Variants in BBS9 observed in about 807,000 individuals in gnomAD.
The protein encoded by BBS9 is Bardet-Biedl syndrome 9.
BBS9 carries 89 observed loss-of-function variants against 117.7 expected under a neutral mutation model. The ratio of observed to expected loss-of-function variants is 0.76; its 90% confidence interval spans 0.64 to 0.90. BBS9 has a LOEUF of 0.90. Ranked by LOEUF, BBS9 falls within the 40% of genes least tolerant of loss-of-function variation. The pLI, the probability that BBS9 is intolerant of heterozygous loss-of-function variation, is 0.00. For synonymous variants in BBS9, 379 were observed against 370.9 expected (o/e 1.02, Z -0.25); for missense variants, 982 against 1,042.2 (o/e 0.94, Z 0.80).
intron 20 of BBS9, among the ~76,000 whole-genome samples, chr7:33,519,566 C>G (rs1323124298): frequency 3.0e-5 from 4 of 134,324 alleles, no homozygotes; most frequent in African/African-American, 9.4e-5. Flanking sequence ...ACCAAACTGG[C>G]ACAGAGCATT....
At chr7:33,186,354 T>A (rs192450931) in intron 5 of BBS9, among the ~76,000 whole-genome samples, 17 of 152,288 alleles carry the variant, frequency 1.1e-4, no homozygotes, top group Non-Finnish European at 2.1e-4. Flanking sequence ...AAAGTAACTG[T>A]GAGTGGTGGA....
intron 21 of BBS9, among the ~76,000 whole-genome samples, chr7:33,626,312 C>G (rs966225461): frequency 6.6e-6 from 1 of 152,300 alleles, no homozygotes; most frequent in Middle Eastern, 3.4e-3. Flanking sequence ...TCAATTAAAC[C>G]TCTTTTCTTT....
intron 21 of BBS9, among the ~76,000 whole-genome samples, chr7:33,589,355 C>A (rs958051252): frequency 2.8e-4 from 43 of 152,072 alleles, no homozygotes; most frequent in Non-Finnish European, 1.0e-4. Flanking sequence ...AAACAGAGTG[C>A]AATTTAAAAC....
intron 5 of BBS9, among the ~76,000 whole-genome samples, chr7:33,220,924 T>A (rs1465216675): frequency 6.6e-6 from 1 of 152,250 alleles, no homozygotes; most frequent in Non-Finnish European, 1.5e-5. Context: ...AGAAATTTGT[T>A]TTACAACTAC....
At chr7:33,162,208 C>G (rs1252086151) in intron 4 of BBS9, among the ~76,000 whole-genome samples, 1 of 152,098 alleles carries the variant, frequency 6.6e-6, no homozygotes, top group Non-Finnish European at 1.5e-5. Flanking sequence ...TTTAATCTAT[C>G]TTGAATTAAT....
chr7:33,158,315 T>C (rs555924224), intron 4 of BBS9, among the ~76,000 whole-genome samples: 1 of 152,210 alleles, frequency 6.6e-6, no homozygotes, highest in East Asian at 1.9e-4. Context: ...GTTGCATAAA[T>C]GTTTGAATAT....
chr7:33,150,667 C>T (rs1229459416), intron 2 of BBS9, among the ~76,000 whole-genome samples: 4 of 152,150 alleles, frequency 2.6e-5, no homozygotes, highest in Non-Finnish European at 5.9e-5. Context: ...AGTTGCAAGA[C>T]AGGCAGCTCT....
chr7:33,328,993 T>TTTTATTTATTTA (rs35454084), intron 9 of BBS9, among the ~76,000 whole-genome samples: 10,301 of 145,380 alleles, frequency 0.071, 418 homozygotes, highest in Non-Finnish European at 0.089. Flanking sequence ...GTTTTCCTTC[T>TTTTATTTATTTA]TTTATTTATT....
chr7:33,314,216 A>G, intron 9 of BBS9: 2 of 416,402 alleles, frequency 4.8e-6, no homozygotes, highest in South Asian at 3.6e-5. Context: ...TAAGGACTTC[A>G]ATATCTAATT....
intron 19 of BBS9, among the ~76,000 whole-genome samples, chr7:33,468,189 A>AG (rs1275533840): frequency 6.6e-6 from 1 of 152,158 alleles, no homozygotes; most frequent in Non-Finnish European, 1.5e-5. Flanking sequence ...GTAGTGAGGA[A>AG]GAAGACTCTC....
chr7:33,214,285 A>G (rs1406983581), intron 5 of BBS9, among the ~76,000 whole-genome samples: 1 of 152,118 alleles, frequency 6.6e-6, no homozygotes, highest in Non-Finnish European at 1.5e-5. Context: ...AGTTCAATGT[A>G]AAGTCCTCAA....
chr7:33,620,859 C>T (rs542966071), intron 21 of BBS9, among the ~76,000 whole-genome samples: 1 of 152,226 alleles, frequency 6.6e-6, no homozygotes, highest in South Asian at 2.1e-4. Context: ...CTATAGTAAT[C>T]AAAACAGCAT....
chr7:33,253,483 G>A (rs958906890), intron 5 of BBS9, among the ~76,000 whole-genome samples: 1 of 152,176 alleles, frequency 6.6e-6, no homozygotes, highest in Non-Finnish European at 1.5e-5. Context: ...GGGTGGTGGC[G>A]AGCTTGTAAT....
chr7:33,202,009 G>A (rs1352135100), intron 5 of BBS9, among the ~76,000 whole-genome samples: 2 of 152,178 alleles, frequency 1.3e-5, no homozygotes, highest in Admixed American at 1.3e-4. Context: ...AGTTGAGTGA[G>A]TTATTTCACT....
At chr7:33,294,290 C>CATCTATCTATCT (rs57892221) in intron 9 of BBS9, among the ~76,000 whole-genome samples, 60 of 141,312 alleles carry the variant, frequency 4.2e-4, no homozygotes, top group South Asian at 7.4e-4. Context: ...ATCTATCTAT[C>CATCTATCTATCT]ATCTATCTAT....
At chr7:33,152,670 CTCTA>C (rs1793519823) in intron 2 of BBS9, 27 bp from the exon 3 acceptor site, 18 of 1,574,602 alleles carry the variant, frequency 1.1e-5, no homozygotes, top group Non-Finnish European at 1.5e-5. Context: ...TTGTTTCTCC[CTCTA>C]TCTTTTTTTT....
intron 1 of BBS9, among the ~76,000 whole-genome samples, chr7:33,136,472 G>A (rs552096134): frequency 6.6e-6 from 1 of 152,306 alleles, no homozygotes; most frequent in East Asian, 1.9e-4. Context: ...ACACTATTAA[G>A]TATGATGTAA....
At chr7:33,150,268 A>T (rs1793098123) in intron 2 of BBS9, among the ~76,000 whole-genome samples, 1 of 152,156 alleles carries the variant, frequency 6.6e-6, no homozygotes, top group Admixed American at 6.5e-5. Context: ...GACAATTTTG[A>T]GATTTAAACC....
chr7:33,384,543 G>C (rs1247962961), intron 18 of BBS9, among the ~76,000 whole-genome samples: 1 of 152,112 alleles, frequency 6.6e-6, no homozygotes, highest in Non-Finnish European at 1.5e-5. Context: ...TTTTTTAAAA[G>C]TCCCATGTAT....
Sources: gnomAD v4.1 joint callset for allele counts (sites outside exome capture counted in the v4.1 genomes callset) on GRCh38, gnomAD v4.1.1 for gene constraint, MANE v1.5 for transcripts, NCBI Gene and HGNC (gene_info 2026-07-23, HGNC 2026-07-21) for gene names.